Variants in FOXP1 observed in about 807,000 individuals in gnomAD.
FOXP1 encodes forkhead box protein P1.
A neutral mutation model predicts 98.2 loss-of-function variants in FOXP1; 15 were observed. That is an observed-to-expected ratio of 0.15 (90% CI 0.10 to 0.24). The LOEUF (loss-of-function observed/expected upper bound fraction) is 0.24, where lower values mean the gene tolerates loss of function less well. Among genes scored for constraint, FOXP1 ranks in the 10% least tolerant of loss-of-function variants. The pLI is 1.00. For missense variants in FOXP1, 633 were observed against 848.5 expected (o/e 0.75, Z 3.15); for synonymous variants, 371 against 314.5 (o/e 1.18, Z -1.90).
chr3:71,161,349 G>T (rs1188544546), intron 6 of FOXP1, among the ~76,000 whole-genome samples: 4 of 152,172 alleles, frequency 2.6e-5, no homozygotes, highest in African/African-American at 9.7e-5. Flanking sequence ...GGGTACTTCA[G>T]TTCTTCCTGT....
intron 5 of FOXP1, among the ~76,000 whole-genome samples, chr3:71,282,999 G>A (rs1035339199): frequency 5.9e-5 from 9 of 152,140 alleles, no homozygotes; most frequent in African/African-American, 1.9e-4. Context: ...TCAGACAAGT[G>A]CACAACAACA....
chr3:71,461,311 A>AG (rs2088075740), intron 3 of FOXP1, among the ~76,000 whole-genome samples: 1 of 152,230 alleles, frequency 6.6e-6, no homozygotes, highest in South Asian at 2.1e-4. Flanking sequence ...CCGTGTAAAA[A>AG]GTCAAACTAA....
At chr3:71,124,702 T>C (rs1362135000) in intron 6 of FOXP1, among the ~76,000 whole-genome samples, 3 of 151,158 alleles carry the variant, frequency 2.0e-5, no homozygotes, top group Non-Finnish European at 4.4e-5. Context: ...ATTATAAAGA[T>C]TATGTGACAT....
chr3:71,388,130 C>T (rs1395620898), intron 3 of FOXP1, among the ~76,000 whole-genome samples: 4 of 152,150 alleles, frequency 2.6e-5, no homozygotes, highest in African/African-American at 9.7e-5. Flanking sequence ...CATCGTAAAT[C>T]ATTTCCAATC....
At chr3:71,101,830 C>T (rs1184130716) in intron 7 of FOXP1, among the ~76,000 whole-genome samples, 1 of 152,068 alleles carries the variant, frequency 6.6e-6, no homozygotes, top group Non-Finnish European at 1.5e-5. Flanking sequence ...CCACATTTAC[C>T]ATGAACACCG....
At chr3:71,002,352 G>A (rs756542935) in intron 12 of FOXP1, among the ~76,000 whole-genome samples, 7 of 152,150 alleles carry the variant, frequency 4.6e-5, no homozygotes, top group Non-Finnish European at 1.0e-4. Flanking sequence ...CAAAAAAGCA[G>A]TAAAGAGGAG....
At chr3:71,286,740 T>G (rs1450659894) in intron 5 of FOXP1, among the ~76,000 whole-genome samples, 1 of 152,188 alleles carries the variant, frequency 6.6e-6, no homozygotes, top group Non-Finnish European at 1.5e-5. Flanking sequence ...CAACTTAATG[T>G]CTAGAAATGT....
rs532625634 is a variant in FOXP1, at chr3:71,125,312, T to A, written c.181-12675A>T. 1.2e-4 allele frequency among the ~76,000 whole-genome samples: 19 copies of A among 152,332 alleles called. 1 individual carries two copies. The highest frequency in any genetic ancestry group is 1.3e-4 in the Admixed American group (2 of 15,306). ...CGCAGCCTGGATAGAATCCCTTCAC[T>A]GTATTCAAGAACGACATACACACAA... is the stretch of plus-strand genomic sequence containing the variant. On this transcript the variant is annotated intron_variant, in intron 6 of 20. Transcript: ENST00000649528.
intron 2 of FOXP1, among the ~76,000 whole-genome samples, chr3:71,555,880 T>TA (rs1314749466): frequency 1.3e-5 from 2 of 149,710 alleles, no homozygotes; most frequent in Non-Finnish European, 3.0e-5. Context: ...ACAATTAAGA[T>TA]AGAGTTAAAT....
intron 11 of FOXP1, among the ~76,000 whole-genome samples, chr3:71,023,495 G>T (rs979108976): frequency 6.6e-6 from 1 of 152,154 alleles, no homozygotes; most frequent in Admixed American, 6.5e-5. Flanking sequence ...ACGCTACAAT[G>T]GCAGGCATCG....
At position 71,347,698 on chromosome 3, in the gene FOXP1, C is replaced by T. The variant is rs185443874; in HGVS notation, c.-73+11452G>A. 9.9e-4 allele frequency among the ~76,000 whole-genome samples: 150 copies of T among 152,142 alleles called. 2 individuals carry two copies. The highest frequency in any genetic ancestry group is 3.4e-3 in the Middle Eastern group (1 of 294). ...GTCGGGGGTTCGAGACCAGCCTGAC[C>T]AACATAGAGAAACCCCGTCTCTACT... On this transcript the variant is annotated intron_variant, in intron 4 of 20. Coordinates refer to ENST00000649528, the MANE Select transcript of FOXP1 (RefSeq NM_001349338.3).
intron 2 of FOXP1, among the ~76,000 whole-genome samples, chr3:71,546,824 C>T (rs1314398273): frequency 1.6e-4 from 24 of 152,222 alleles, no homozygotes; most frequent in Admixed American, 1.6e-3. Context: ...AAGGACTACC[C>T]AGAGCCACTA....
intron 2 of FOXP1, among the ~76,000 whole-genome samples, chr3:71,511,394 G>T (rs564408620): frequency 6.6e-6 from 1 of 152,026 alleles, no homozygotes; most frequent in Non-Finnish European, 1.5e-5. Flanking sequence ...CATTCACAGA[G>T]TGCTAAATTT....
intron 1 of FOXP1, chr3:71,582,657 G>A (rs2048278941): frequency 3.0e-6 from 3 of 985,404 alleles, no homozygotes; most frequent in African/African-American, 3.5e-5. Context: ...GAGAGATCCG[G>A]GCGCGGCGAC....
intron 5 of FOXP1, among the ~76,000 whole-genome samples, chr3:71,220,793 AT>A (rs1167239652): frequency 6.6e-6 from 1 of 151,792 alleles, no homozygotes; most frequent in Non-Finnish European, 1.5e-5. Flanking sequence ...AAAATAAAAG[AT>A]TATGAGGAGA....
In FOXP1 at chr3:71,536,962, G is replaced by GC. The variant is rs199774732; in HGVS notation, c.-297-43408dup. ...GTGACTTAACACCCCTGCTGACTCT[G>GC]CCTCCTGCCCACCTGAGCCATGGAG... is the stretch of plus-strand genomic sequence containing the variant. On this transcript the variant is annotated intron_variant, in intron 2 of 20. Transcript: ENST00000649528. Among the ~76,000 whole-genome samples the GC allele has an allele frequency of 1.8e-3, 269 of 152,234 alleles. 1 individual carries two copies. The highest frequency in any genetic ancestry group is 0.014 in the Admixed American group (208 of 15,296).
At chr3:71,419,388 AG>A (rs2083460500) in intron 3 of FOXP1, among the ~76,000 whole-genome samples, 1 of 152,098 alleles carries the variant, frequency 6.6e-6, no homozygotes, top group African/African-American at 2.4e-5. Flanking sequence ...GGGGAATGAA[AG>A]AAAAACAATA....
intron 5 of FOXP1, among the ~76,000 whole-genome samples, chr3:71,298,780 G>GGTGAGACTT (rs2073590264): frequency 6.6e-6 from 1 of 152,070 alleles, no homozygotes; most frequent in East Asian, 1.9e-4. Context: ...CCAAGCCCCA[G>GGTGAGACTT]GTGAGACTTA....
At chr3:71,304,652 A>T (rs1336593403) in intron 4 of FOXP1, 2 of 152,184 alleles carry the variant, frequency 1.3e-5, no homozygotes, top group Non-Finnish European at 2.9e-5. Flanking sequence ...TCCCCTTAAA[A>T]ACCAAGTATA....
Sources: allele counts gnomAD v4.1 joint callset (sites outside exome capture counted in the v4.1 genomes callset), GRCh38; gene constraint gnomAD v4.1.1; transcripts MANE v1.5; gene names NCBI Gene and HGNC (gene_info 2026-07-23, HGNC 2026-07-21).